The following ZMYM2 variants were observed in gnomAD, a reference collection of about 807,000 sequenced individuals.
The protein encoded by ZMYM2 is zinc finger MYM-type containing 2.
A neutral mutation model predicts 162.8 loss-of-function variants in ZMYM2; 56 were observed. The ratio of observed to expected loss-of-function variants is 0.34; its 90% CI spans 0.28 to 0.43. The LOEUF (loss-of-function observed/expected upper bound fraction) is 0.43. ZMYM2 is among the 20% of genes least tolerant of loss of function. The pLI is 1.00. For synonymous variants in ZMYM2, 510 were observed against 541.6 expected, an observed-to-expected ratio of 0.94 and a Z score of 0.81; for missense variants, 1,275 against 1,621.8, an observed-to-expected ratio of 0.79 and a Z score of 3.67.
chr13:20,019,697 A>C, intron 7 of ZMYM2, 79 bp downstream of exon 7: 1 of 1,301,050 alleles, frequency 7.7e-7, no homozygotes, highest in Non-Finnish European at 1.1e-6. Flanking sequence ...TGTATCTGAA[A>C]AATCTTGTCC....
At chr13:19,949,572 A>G in the ZMYM2 span, among the ~76,000 whole-genome samples, 21 of 152,118 alleles carry the variant, frequency 1.4e-4, no homozygotes, top group South Asian at 4.2e-3. Flanking sequence ...AGCCTAGGCA[A>G]CAGAGTAAGA....
At chr13:20,016,209 C>CAT (rs1951613579) in intron 6 of ZMYM2, among the ~76,000 whole-genome samples, 1 of 151,914 alleles carries the variant, frequency 6.6e-6, no homozygotes, top group Non-Finnish European at 1.5e-5. Context: ...GGAGGCTTTA[C>CAT]ATATAACATC....
the ZMYM2 span, among the ~76,000 whole-genome samples, chr13:19,895,672 G>A: frequency 6.6e-6 from 1 of 151,748 alleles, no homozygotes; most frequent in Non-Finnish European, 1.5e-5. Context: ...CAGAGCCTAC[G>A]TGATGCAATT....
At chr13:20,008,302 T>C (rs1401832371) in intron 6 of ZMYM2, among the ~76,000 whole-genome samples, 1 of 152,164 alleles carries the variant, frequency 6.6e-6, no homozygotes, top group Non-Finnish European at 1.5e-5. Flanking sequence ...GACTAATTTT[T>C]GTATTTTTGG....
At chr13:20,030,630 C>T (rs1953030979) in intron 9 of ZMYM2, among the ~76,000 whole-genome samples, 1 of 152,140 alleles carries the variant, frequency 6.6e-6, no homozygotes, top group South Asian at 2.1e-4. Context: ...GATCTCCTGA[C>T]TTCGTGATCC....
intron 2 of ZMYM2, among the ~76,000 whole-genome samples, chr13:19,963,937 A>G (rs553670380): frequency 4.6e-5 from 7 of 152,358 alleles, no homozygotes; most frequent in African/African-American, 1.7e-4. Flanking sequence ...ACTTTATAAC[A>G]GTCCATTGAA....
At chr13:19,874,429 C>T in the ZMYM2 span, among the ~76,000 whole-genome samples, 6 of 152,008 alleles carry the variant, frequency 3.9e-5, no homozygotes, top group Non-Finnish European at 7.4e-5. Flanking sequence ...TGGAGGGTCT[C>T]GCTATGTTGC....
At chr13:19,930,983 CA>C in the ZMYM2 span, among the ~76,000 whole-genome samples, 2 of 149,980 alleles carry the variant, frequency 1.3e-5, no homozygotes, top group African/African-American at 4.9e-5. Flanking sequence ...ACTAAAAATA[CA>C]AAAAATTAGC....
At chr13:19,976,742 T>C (rs1956830645) in intron 2 of ZMYM2, among the ~76,000 whole-genome samples, 1 of 152,256 alleles carries the variant, frequency 6.6e-6, no homozygotes, top group Non-Finnish European at 1.5e-5. Context: ...CAGAATTTTC[T>C]TCCTTTTAGA....
At chr13:19,873,460 G>A in the ZMYM2 span, among the ~76,000 whole-genome samples, 1 of 151,560 alleles carries the variant, frequency 6.6e-6, no homozygotes, top group Admixed American at 6.6e-5. Flanking sequence ...CCAGGCTGGA[G>A]TGCAGTGGCG....
chr13:19,963,978 A>C (rs1245959420), intron 2 of ZMYM2, among the ~76,000 whole-genome samples: 2 of 152,214 alleles, frequency 1.3e-5, no homozygotes, highest in Non-Finnish European at 2.9e-5. Flanking sequence ...AAGAAAAATC[A>C]ATGCTCTTTA....
the ZMYM2 span, among the ~76,000 whole-genome samples, chr13:19,880,155 G>A: frequency 6.6e-6 from 1 of 152,126 alleles, no homozygotes; most frequent in Non-Finnish European, 1.5e-5. Context: ...CTTTCAGACA[G>A]CATACTGTGG....
intron 7 of ZMYM2, among the ~76,000 whole-genome samples, chr13:20,023,122 C>A (rs1262488251): frequency 2.0e-5 from 3 of 151,472 alleles, no homozygotes; most frequent in African/African-American, 7.3e-5. Flanking sequence ...AGTCATAGGC[C>A]CTATTAAACT....
At chr13:19,903,421 C>CT in the ZMYM2 span, among the ~76,000 whole-genome samples, 1 of 135,102 alleles carries the variant, frequency 7.4e-6, no homozygotes, top group African/African-American at 2.8e-5. Flanking sequence ...GGGCGGATCA[C>CT]GAGGTTAGGA....
chr13:19,908,286 TCAAA>T, the ZMYM2 span, among the ~76,000 whole-genome samples: 9 of 151,982 alleles, frequency 5.9e-5, no homozygotes, highest in East Asian at 7.7e-4. Context: ...AGATTCTGTC[TCAAA>T]CAAACAAACA....
In ZMYM2 at chr13:20,034,116, C is replaced by T. The variant is rs139550076; in HGVS notation, c.1969-138C>T. The T allele has an allele frequency of 8.4e-4, 622 of 741,016 alleles. 4 individuals carry two copies. In the African/African-American group the frequency reaches 0.01, roughly 12 times the overall value. The allele number at this position is 741,016 out of a possible 1,614,324, so 45.9% of individuals were successfully genotyped here. A position where few individuals can be genotyped will look rare whatever the true frequency, so the allele number is the denominator to read the frequency against. ...CAGTGAATTGGTTAAACTAGGCATC[C>T]ATGGCCTGTAGGAAATCTATCCCCA... On this transcript the variant is annotated intron_variant, in intron 10 of 24. Transcript: ENST00000610343.
chr13:20,022,283 A>G (rs181608579), intron 7 of ZMYM2, among the ~76,000 whole-genome samples: 2 of 152,288 alleles, frequency 1.3e-5, no homozygotes, highest in Admixed American at 1.3e-4. Context: ...ACCACTTTGG[A>G]GAGCATCCCT....
At chr13:19,881,654 A>T in the ZMYM2 span, among the ~76,000 whole-genome samples, 1 of 151,806 alleles carries the variant, frequency 6.6e-6, no homozygotes, top group African/African-American at 2.4e-5. Context: ...ATAAAATAAA[A>T]CAAATGAGAG....
At chr13:19,898,232 A>T in the ZMYM2 span, among the ~76,000 whole-genome samples, 10 of 148,524 alleles carry the variant, frequency 6.7e-5, no homozygotes, top group Non-Finnish European at 1.0e-4. Context: ...ATTAAAGAAC[A>T]CACTCTTTTT....
Sources: gnomAD v4.1 joint callset for allele counts (sites outside exome capture counted in the v4.1 genomes callset) on GRCh38, gnomAD v4.1.1 for gene constraint, MANE v1.5 for transcripts, NCBI Gene and HGNC (gene_info 2026-07-23, HGNC 2026-07-21) for gene names.